Variants in OGN observed in about 807,000 individuals in gnomAD.
OGN encodes mimecan.
Under a neutral mutation model 30.8 loss-of-function variants are expected in OGN, and 19 were observed. The observed-to-expected ratio is 0.62, with a 90% confidence interval of 0.43 to 0.90. The LOEUF is 0.90. OGN is among the 40% of genes least tolerant of loss of function. The pLI is 0.00. For synonymous variants in OGN, 126 were observed against 128.3 expected (o/e 0.98, Z 0.12); for missense variants, 283 against 349.7 (o/e 0.81, Z 1.52).
intron 3 of OGN, 98 bp from the exon 4 acceptor site, chr9:92,393,342 T>C (rs1325702558): frequency 1.1e-6 from 1 of 902,066 alleles, no homozygotes; most frequent in South Asian, 2.2e-5. Flanking sequence ...TATTACTAAT[T>C]TGAAGAGATG....
At chr9:92,387,053 GAAAAAAA>G (rs903436031) in intron 5 of OGN, among the ~76,000 whole-genome samples, 56 of 50,168 alleles carry the variant, frequency 1.1e-3, no homozygotes, top group South Asian at 2.1e-3. Flanking sequence ...GTCTCAAAAA[GAAAAAAA>G]AAAAAAAAAA....
Position 92,384,370 on chromosome 9 carries a change from C to T in OGN, c.*1250G>A, listed in dbSNP as rs1446791011. The T allele has an allele frequency of 6.6e-6, 1 of 152,056 alleles. No individual in the cohort carries two copies. Among genetic ancestry groups the T allele is most frequent in the Non-Finnish European group, 1.5e-5 (1 of 67,988 alleles). The allele number at this position is 152,056 out of a possible 1,614,324, so 9.4% of individuals were successfully genotyped here. A position where few individuals can be genotyped will look rare whatever the true frequency, so the allele number is the denominator to read the frequency against. ...TCTGTACACAGAGACAACTTGATTT[C>T]AATACATACTTTATGGTGGAAATAA... On this transcript the variant is annotated 3_prime_UTR_variant, in exon 7 of 7. Coordinates refer to ENST00000375561, the MANE Select transcript of OGN (RefSeq NM_014057.5).
At chr9:92,390,180 T>G (rs1842614306) in intron 4 of OGN, 124 bp from the exon 5 acceptor site, 1 of 606,128 alleles carries the variant, frequency 1.6e-6, no homozygotes, top group African/African-American at 1.9e-5. Flanking sequence ...GTAGACTGTT[T>G]ACAATTCATA....
intron 3 of OGN, among the ~76,000 whole-genome samples, chr9:92,394,388 G>A (rs1436606687): frequency 9.4e-5 from 14 of 149,542 alleles, no homozygotes; most frequent in Non-Finnish European, 1.5e-4. Flanking sequence ...GATTACTGGC[G>A]TATGCCACCA....
chr9:92,391,338 C>T (rs1280252515), intron 4 of OGN, among the ~76,000 whole-genome samples: 1 of 151,972 alleles, frequency 6.6e-6, no homozygotes, highest in Non-Finnish European at 1.5e-5. Context: ...ACCTGGGAGG[C>T]GGAGCTAGCA....
intron 4 of OGN, among the ~76,000 whole-genome samples, chr9:92,390,587 TGC>T (rs1554756507): frequency 7.1e-6 from 1 of 141,812 alleles, no homozygotes; most frequent in African/African-American, 2.5e-5. Context: ...TGTGTGTGTG[TGC>T]GCGCGCGCGT....
chr9:92,385,910 G>A lies in OGN; in HGVS notation c.727-120C>T, dbSNP rs1030315051. 2.6e-5 allele frequency: 23 copies of A among 885,674 alleles called. No individual in the cohort carries two copies. In the Admixed American group the frequency reaches 5.5e-4, roughly 21 times the overall value. The allele number at this position is 885,674 out of a possible 1,614,324, so 54.9% of individuals were successfully genotyped here. A position where few individuals can be genotyped will look rare whatever the true frequency, so the allele number is the denominator to read the frequency against. On this transcript the variant is annotated intron_variant, in intron 6 of 6. Transcript: ENST00000375561. Reference sequence around the variant, plus strand: ...GTGCCCCCTCACTTCAAATCCTTGTGTCAAATTAATTAGGAAATACTCAAA... The same window carrying A: ...GTGCCCCCTCACTTCAAATCCTTGTATCAAATTAATTAGGAAATACTCAAA...
Position 92,389,875 on chromosome 9 carries a change from TC to T in OGN, c.608del (p.Gly203GlufsTer10). 1 of 1,611,496 alleles carries T rather than the reference TC, an allele frequency of 6.2e-7. No homozygotes were observed. Among genetic ancestry groups the T allele is most frequent in the Non-Finnish European group, 8.5e-7 (1 of 1,178,230 alleles). Reference sequence around the variant, plus strand: ...TTACTTTGAATGCATTTGCTTTGATTCCCCTACTCTTGATTTTGTTGTATTT... The same window carrying T: ...TTACTTTGAATGCATTTGCTTTGATTCCCTACTCTTGATTTTGTTGTATTT... ...NAKYNKIKSRGIKANAFKKLN... is the reference protein window; with the variant it reads ...NAKYNKIKSRXIKANAFKKLN... On this transcript the variant is annotated frameshift_variant, in exon 5 of 7. Coordinates refer to ENST00000375561, the MANE Select transcript of OGN (RefSeq NM_014057.5). LOFTEE classifies it high-confidence loss of function.
chr9:92,390,084 C>T, intron 4 of OGN, 28 bp from the exon 5 acceptor site: 1 of 1,296,708 alleles, frequency 7.7e-7, no homozygotes. Flanking sequence ...TAAAAAACAA[C>T]TACGTAAGTA....
intron 3 of OGN, among the ~76,000 whole-genome samples, chr9:92,397,094 T>G (rs1842921418): frequency 6.6e-6 from 1 of 151,866 alleles, no homozygotes; most frequent in South Asian, 2.1e-4. Flanking sequence ...GGAGGATTGC[T>G]GGAGCCCAGG....
At chr9:92,393,690 A>G (rs141809404) in intron 3 of OGN, among the ~76,000 whole-genome samples, 235 of 152,178 alleles carry the variant, frequency 1.5e-3, no homozygotes, top group Non-Finnish European at 2.4e-3. Flanking sequence ...ATCCTTTAGC[A>G]CCCCAAGTCA....
chr9:92,386,812 G>A (rs1588081071), intron 5 of OGN, among the ~76,000 whole-genome samples: 1 of 152,106 alleles, frequency 6.6e-6, no homozygotes, highest in East Asian at 1.9e-4. Context: ...TCGATTTCCT[G>A]ACCTCGTGAT....
chr9:92,393,252 G>A lies in OGN; in HGVS notation c.269-8C>T. 1 of 1,558,926 alleles carries A rather than the reference G, an allele frequency of 6.4e-7. No homozygotes were observed. The highest frequency in any genetic ancestry group is 1.3e-5 in the South Asian group (1 of 79,952). On this transcript the variant is annotated splice_polypyrimidine_tract_variant and splice_region_variant and intron_variant, in intron 3 of 6. Coordinates refer to ENST00000375561, the MANE Select transcript of OGN (RefSeq NM_014057.5). ...GCAGACACGTGGGCATTTCTAAATT[G>A]GGAATAAAATCATAAAAATATGAAC...
At chr9:92,388,042 G>A (rs1010690595) in intron 5 of OGN, among the ~76,000 whole-genome samples, 3 of 152,072 alleles carry the variant, frequency 2.0e-5, no homozygotes, top group Non-Finnish European at 4.4e-5. Flanking sequence ...AGGATTACAG[G>A]CATGAGCCAC....
chr9:92,402,299 G>A (rs140452333), intron 2 of OGN, among the ~76,000 whole-genome samples: 3 of 152,102 alleles, frequency 2.0e-5, no homozygotes, highest in Non-Finnish European at 4.4e-5. Context: ...AAGAAACTGT[G>A]GTGTTAACAT....
Position 92,389,983 on chromosome 9 carries a change from A to G in OGN, c.501T>C (p.Ser167=), listed in dbSNP as rs1364030430. 2.5e-6 allele frequency: 4 copies of G among 1,611,082 alleles called. No individual in the cohort carries two copies. The highest frequency in any genetic ancestry group is 2.7e-5 in the African/African-American group (2 of 74,868). ...DIEDGTFSKL[S]LLEELSLAEN... ...CAGCAAGTGAAAGTTCTTCTAACAG[A>G]GAAAGTTTTGAAAAAGTACCATCTT... The change falls in exon 5 of 7, where the codon TCT becomes TCC. Residue 167 remains serine (S), a synonymous_variant. Coordinates refer to ENST00000375561, the MANE Select transcript of OGN (RefSeq NM_014057.5).
chr9:92,385,530 T>C lies in OGN; in HGVS notation c.*90A>G. The C allele has an allele frequency of 9.0e-7, 1 of 1,110,740 alleles. No individual in the cohort carries two copies. Among genetic ancestry groups the C allele is most frequent in the Non-Finnish European group, 1.3e-6 (1 of 761,740 alleles). The allele number at this position is 1,110,740 out of a possible 1,614,324, so 68.8% of individuals were successfully genotyped here. A position where few individuals can be genotyped will look rare whatever the true frequency, so the allele number is the denominator to read the frequency against. ...CCTTCAAAATGAGATACAAGGTTAA[T>C]ATTAAACCAATACTTAAGTTCCTTT... On this transcript the variant is annotated 3_prime_UTR_variant, in exon 7 of 7. Transcript: ENST00000375561.
chr9:92,387,034 C>G (rs866742956), intron 5 of OGN, among the ~76,000 whole-genome samples: 2 of 123,930 alleles, frequency 1.6e-5, no homozygotes, highest in Non-Finnish European at 3.1e-5. Context: ...GGCAACAGAG[C>G]GAGACTCTGT....
chr9:92,404,436 G>A, intron 1 of OGN, 60 bp downstream of exon 1: 1 of 1,076,394 alleles, frequency 9.3e-7, no homozygotes, highest in South Asian at 1.5e-5. Context: ...AAGACTATTA[G>A]ATGAGTCAGT....
Sources: gnomAD v4.1 joint callset for allele counts (sites outside exome capture counted in the v4.1 genomes callset) on GRCh38, gnomAD v4.1.1 for gene constraint, MANE v1.5 for transcripts, NCBI Gene and HGNC (gene_info 2026-07-23, HGNC 2026-07-21) for gene names.